URB2: variants seen among roughly 807,000 people sequenced by gnomAD.
The protein encoded by URB2 is URB2 ribosome biogenesis homolog.
URB2 carries 86 observed loss-of-function variants against 120.9 expected under a neutral mutation model. The observed-to-expected ratio is 0.71, with a 90% CI of 0.60 to 0.85. The LOEUF (loss-of-function observed/expected upper bound fraction) is 0.85, where lower values mean the gene tolerates loss of function less well. Ranked by LOEUF, URB2 falls within the 40% of genes least tolerant of loss-of-function variation. The probability of loss-of-function intolerance (pLI) is 0.00; values close to 1 mark genes in which losing one functional copy is unlikely to be tolerated. For synonymous variants in URB2, 755 were observed against 758.4 expected (o/e 1.00, Z 0.07); for missense variants, 1,765 against 1,836.5 (o/e 0.96, Z 0.71).
chr1:229,635,167 A>G lies in URB2; in HGVS notation c.554A>G (p.Gln185Arg). 1 of 1,614,208 alleles carries G rather than the reference A, an allele frequency of 6.2e-7. No individual in the cohort carries two copies. Among genetic ancestry groups the G allele is most frequent in the South Asian group, 1.1e-5 (1 of 91,090 alleles). ...CTTGGCCATTATCTCTTGATCCTGC[A>G]GCAGCAGGTCAACCCAAGACGTGCC... The part of the protein sequence containing the change: ...LALGHYLLIL[Q>R]QQVNPRRAFG... Residue 185 changes from glutamine to arginine, a missense_variant, in exon 4 of 10, where the codon CAG (glutamine) becomes CGG (arginine). Gln to Arg is a conservative substitution (Grantham distance 43). Coordinates refer to ENST00000258243, the MANE Select transcript of URB2 (RefSeq NM_014777.4).
Position 229,659,794 on chromosome 1 carries a change from C to T in URB2, c.*497C>T, listed in dbSNP as rs957000542. ...CTCTAAGTATGCTTTCTGAAGAAGT[C>T]AGGGAAAGTTAGAGTCTGTGGCCTG... is the stretch of plus-strand genomic sequence containing the variant. On this transcript the variant is annotated 3_prime_UTR_variant, in exon 10 of 10. Transcript: ENST00000258243. 1.3e-5 allele frequency: 2 copies of T among 153,644 alleles called. No homozygotes were observed. Among genetic ancestry groups the T allele is most frequent in the Non-Finnish European group, 2.9e-5 (2 of 68,998 alleles). 9.5% of individuals were successfully genotyped at this position (153,644 alleles called of 1,614,324 possible).
chr1:229,654,344 T>A lies in URB2; in HGVS notation c.4333T>A (p.Phe1445Ile). Residue 1445 changes from phenylalanine (F) to isoleucine (I), a missense_variant, in exon 9 of 10, where the codon TTT becomes ATT. Coordinates refer to ENST00000258243, the MANE Select transcript of URB2 (RefSeq NM_014777.4). ...CGCACGAGCTGAGGAGTTTGCTGTG[T>A]TTTCCCCATTTATGGTGGCCCAGTA... Reference protein sequence around the residue: ...IAARAEEFAVFSPFMVAQYVL... With the variant: ...IAARAEEFAVISPFMVAQYVL... 6.2e-7 allele frequency: 1 copy of A among 1,614,162 alleles called. No individual in the cohort carries two copies. The highest frequency in any genetic ancestry group is 8.5e-7 in the Non-Finnish European group (1 of 1,180,032).
Position 229,637,047 on chromosome 1 carries a change from T to C in URB2, c.2434T>C (p.Leu812=), listed in dbSNP as rs372149013. 12 of 1,613,958 alleles carry C rather than the reference T, an allele frequency of 7.4e-6. No individual in the cohort carries two copies. The highest frequency in any genetic ancestry group is 8.5e-6 in the Non-Finnish European group (10 of 1,180,038). Residue 812 remains leucine, a synonymous_variant, in exon 4 of 10, where the codon TTA becomes CTA. Coordinates refer to ENST00000258243, the MANE Select transcript of URB2 (RefSeq NM_014777.4). ...GATGCAGTCCCTTCATTCTGCTTTCTTAACGTGCGTAACCACAAGTTGCTC... is the reference window on the plus strand; with the variant it reads ...GATGCAGTCCCTTCATTCTGCTTTCCTAACGTGCGTAACCACAAGTTGCTC... ...PEMQSLHSAF[L]TCVTTSCSSI... is the part of the protein sequence containing the mutation.
chr1:229,643,388 T>C, intron 4 of URB2, 145 bp from the exon 5 acceptor site: 1 of 876,176 alleles, frequency 1.1e-6, no homozygotes, highest in Non-Finnish European at 1.8e-6. Flanking sequence ...GTGTACCTGC[T>C]TTTTCCACCA....
Position 229,645,921 on chromosome 1 carries a change from A to AGCAAGTCTGTTGTGGCGTGC in URB2, c.3860_3879dup (p.Cys1294GlnfsTer11), listed in dbSNP as rs1558169339. The AGCAAGTCTGTTGTGGCGTGC allele has an allele frequency of 1.9e-6, 3 of 1,614,234 alleles. No homozygotes were observed. In the South Asian group the frequency reaches 3.3e-5, roughly 18 times the overall value. On this transcript the variant is annotated frameshift_variant, in exon 6 of 10. Coordinates refer to ENST00000258243, the MANE Select transcript of URB2 (RefSeq NM_014777.4). LOFTEE classifies it high-confidence loss of function. The stretch of plus-strand genomic sequence containing the variant: ...TGAACTGCCCACTCAGTGGAGAGAA[A>AGCAAGTCTGTTGTGGCGTGC]GCAAGTCTGTTGTGGCGTGCGTGTC...
intron 1 of URB2, 125 bp from the exon 2 acceptor site, chr1:229,627,496 A>G: frequency 1.1e-6 from 1 of 917,840 alleles, no homozygotes; most frequent in Non-Finnish European, 1.5e-6. Context: ...TTGATTCATT[A>G]AAAACTTTTA....
intron 9 of URB2, among the ~76,000 whole-genome samples, chr1:229,655,725 A>G (rs1219087277): frequency 6.6e-6 from 1 of 152,184 alleles, no homozygotes; most frequent in Non-Finnish European, 1.5e-5. Context: ...GTATGTATAG[A>G]TATACATTTA....
chr1:229,630,515 C>T (rs1004479785), intron 2 of URB2, among the ~76,000 whole-genome samples: 5 of 152,174 alleles, frequency 3.3e-5, no homozygotes, highest in Non-Finnish European at 7.3e-5. Flanking sequence ...CTTTGTTTTT[C>T]CATTGACAGA....
chr1:229,643,397 CA>C (rs962281866), intron 4 of URB2, 135 bp from the exon 5 acceptor site: 6 of 938,692 alleles, frequency 6.4e-6, no homozygotes, highest in Non-Finnish European at 8.1e-6. Flanking sequence ...CTTTTTCCAC[CA>C]GTGCTTATAT....
At position 229,636,946 on chromosome 1, in the gene URB2, T is replaced by G. The variant is rs3811473; in HGVS notation, c.2333T>G (p.Val778Gly). The G allele has an allele frequency of 0.53, 851,598 of 1,613,694 alleles. 227,612 individuals carry two copies. The highest frequency in any genetic ancestry group is 0.8 in the East Asian group (35,737 of 44,874). Residue 778 changes from valine (V) to glycine (G), a missense_variant, in exon 4 of 10, where the codon GTC becomes GGC. Val to Gly is a moderately radical substitution (Grantham distance 109). Transcript: ENST00000258243. ...TTACCCATGGGCAAAGCCCAGGAAG[T>G]CTCAATAGATGAAGAGGCATACATC... ...RTLPMGKAQE[V>G]SIDEEAYITL...
Position 229,636,267 on chromosome 1 carries a change from AAC to A in URB2, c.1656_1657del (p.Met553GlufsTer51). Reference protein sequence around the residue: ...LSLLLHCIMFNMRSLDSSTPL... With the variant: ...LSLLLHCIMFXMRSLDSSTPL... ...CTTGCTGCTGCACTGCATCATGTTC[AAC>A]ATGAGGAGCCTGGACAGCAGCACGC... is the stretch of plus-strand genomic sequence containing the variant. On this transcript the variant is annotated frameshift_variant, in exon 4 of 10. Coordinates refer to ENST00000258243, the MANE Select transcript of URB2 (RefSeq NM_014777.4). LOFTEE classifies it high-confidence loss of function. 1 of 1,614,100 alleles carries A rather than the reference AAC, an allele frequency of 6.2e-7. No homozygotes were observed. Among genetic ancestry groups the A allele is most frequent in the South Asian group, 1.1e-5 (1 of 91,084 alleles).
chr1:229,637,565 G>GTTCCTT lies in URB2; in HGVS notation c.2953_2958dup (p.Phe985_Leu986dup). 1 of 1,614,222 alleles carries GTTCCTT rather than the reference G, an allele frequency of 6.2e-7. No individual in the cohort carries two copies. The highest frequency in any genetic ancestry group is 8.5e-7 in the Non-Finnish European group (1 of 1,180,032). On this transcript the variant is annotated inframe_insertion, in exon 4 of 10. Transcript: ENST00000258243. ...CCTCATTGTTCAGAGCTAGTAGTAG[G>GTTCCTT]TTCCTTATTGAGATGGATGATCCCG...
chr1:229,637,406 C>G lies in URB2; in HGVS notation c.2793C>G (p.Cys931Trp). 1.9e-6 allele frequency: 3 copies of G among 1,614,200 alleles called. No individual in the cohort carries two copies. The highest frequency in any genetic ancestry group is 2.5e-6 in the Non-Finnish European group (3 of 1,180,044). ...LLSMAVTKLG[C>W]SCSSSLALKF... ...CCATGGCCGTCACCAAACTAGGATG[C>G]TCTTGCTCCTCCTCACTGGCTCTCA... is the stretch of plus-strand genomic sequence containing the variant. Residue 931 changes from cysteine (C) to tryptophan (W), a missense_variant, in exon 4 of 10, where the codon TGC (cysteine) becomes TGG (tryptophan). Coordinates refer to ENST00000258243, the MANE Select transcript of URB2 (RefSeq NM_014777.4).
At chr1:229,626,896 TGAA>T (rs1426020406) in intron 1 of URB2, among the ~76,000 whole-genome samples, 1 of 152,218 alleles carries the variant, frequency 6.6e-6, no homozygotes, top group African/African-American at 2.4e-5. Flanking sequence ...TGCAGTAGAG[TGAA>T]GGATAACTTA....
intron 5 of URB2, 69 bp from the exon 6 acceptor site, chr1:229,645,790 T>A: frequency 7.4e-7 from 1 of 1,352,710 alleles, no homozygotes; most frequent in Non-Finnish European, 1.1e-6. Flanking sequence ...AGCAGTCTTC[T>A]TCCCCAGGCG....
At chr1:229,655,601 C>T (rs1666388153) in intron 9 of URB2, among the ~76,000 whole-genome samples, 1 of 152,158 alleles carries the variant, frequency 6.6e-6, no homozygotes, top group South Asian at 2.1e-4. Context: ...TCCTGTGTGA[C>T]CCATAGTAAG....
intron 9 of URB2, among the ~76,000 whole-genome samples, chr1:229,658,035 A>C (rs149440208): frequency 8.1e-4 from 124 of 152,326 alleles, no homozygotes; most frequent in African/African-American, 2.7e-3. Context: ...AAGTAATGGC[A>C]AAATACATCT....
chr1:229,639,612 A>AG (rs1665951639), intron 4 of URB2, among the ~76,000 whole-genome samples: 1 of 152,198 alleles, frequency 6.6e-6, no homozygotes, highest in African/African-American at 2.4e-5. Flanking sequence ...CTGGGATTAC[A>AG]GGCGTGAGCC....
chr1:229,637,125 C>G lies in URB2; in HGVS notation c.2512C>G (p.Leu838Val). ...QRDSGLVSQQLPWLFEKDHMV... is the reference protein window; with the variant it reads ...QRDSGLVSQQVPWLFEKDHMV... ...TGACTCAGGTCTTGTCAGTCAGCAG[C>G]TTCCCTGGCTTTTTGAAAAGGACCA... The change falls in exon 4 of 10, where the codon CTT (leucine) becomes GTT (valine). Residue 838 changes from leucine (L) to valine (V), a missense_variant. Transcript: ENST00000258243. 6.2e-7 allele frequency: 1 copy of G among 1,612,886 alleles called. No individual in the cohort carries two copies.
Sources: allele counts gnomAD v4.1 joint callset (sites outside exome capture counted in the v4.1 genomes callset), GRCh38; gene constraint gnomAD v4.1.1; transcripts MANE v1.5; gene names NCBI Gene and HGNC (gene_info 2026-07-23, HGNC 2026-07-21).